OSBPL10: variants seen among roughly 807,000 people sequenced by gnomAD.
The protein encoded by OSBPL10 is oxysterol-binding protein-related protein 10.
A neutral mutation model predicts 81.7 loss-of-function variants in OSBPL10; 49 were observed. That is an observed-to-expected ratio of 0.60 (90% CI 0.48 to 0.76). The LOEUF (loss-of-function observed/expected upper bound fraction) is 0.76. Ranked by LOEUF, OSBPL10 falls within the 30% of genes least tolerant of loss-of-function variation. OSBPL10 has a pLI of 0.00. For missense variants in OSBPL10, 923 were observed against 987.8 expected (o/e 0.93, Z 0.88); for synonymous variants, 419 against 383.6 (o/e 1.09, Z -1.08).
In OSBPL10 at chr3:31,660,998, C is replaced by T. The variant is rs530245840; in HGVS notation, c.*1074G>A. The T allele has an allele frequency of 6.5e-6, 1 of 152,742 alleles. No homozygotes were observed. The highest frequency in any genetic ancestry group is 2.1e-4 in the South Asian group (1 of 4,828). 9.5% of individuals were successfully genotyped at this position (152,742 alleles called of 1,614,324 possible). ...AATAAATTAAGCATTCAGCAAAAACCAGATATTTCATTTTTTCCTTGCTTT... is the reference window on the plus strand; with the variant it reads ...AATAAATTAAGCATTCAGCAAAAACTAGATATTTCATTTTTTCCTTGCTTT... On this transcript the variant is annotated 3_prime_UTR_variant, in exon 12 of 12. Coordinates refer to ENST00000396556, the MANE Select transcript of OSBPL10 (RefSeq NM_017784.5).
At chr3:31,915,846 C>T (rs1215550273) in intron 1 of OSBPL10, among the ~76,000 whole-genome samples, 1 of 152,162 alleles carries the variant, frequency 6.6e-6, no homozygotes, top group Non-Finnish European at 1.5e-5. Context: ...GTAATCCCAG[C>T]ACTTTGGGAG....
intron 4 of OSBPL10, among the ~76,000 whole-genome samples, chr3:31,828,604 C>T (rs1357708255): frequency 6.6e-6 from 1 of 152,220 alleles, no homozygotes; most frequent in Non-Finnish European, 1.5e-5. Context: ...GCTATCTTGG[C>T]TCAATGCAGC....
At chr3:31,967,529 T>C (rs1212039492) in intron 1 of OSBPL10, among the ~76,000 whole-genome samples, 1 of 152,210 alleles carries the variant, frequency 6.6e-6, no homozygotes, top group Non-Finnish European at 1.5e-5. Flanking sequence ...CATTATAATT[T>C]TCCTATGTTG....
intron 3 of OSBPL10, among the ~76,000 whole-genome samples, chr3:31,842,449 C>G (rs1700523173): frequency 6.6e-6 from 1 of 152,146 alleles, no homozygotes; most frequent in Non-Finnish European, 1.5e-5. Flanking sequence ...AGCAAGTTGG[C>G]TCTGTGTTAA....
upstream of OSBPL10, among the ~76,000 whole-genome samples, chr3:31,984,989 A>G (rs1398266231): frequency 1.3e-5 from 2 of 152,252 alleles, no homozygotes; most frequent in Non-Finnish European, 1.5e-5. Flanking sequence ...CTGTAATCCC[A>G]GCACTTTGGG....
chr3:31,667,597 G>A (rs543272734), intron 10 of OSBPL10, among the ~76,000 whole-genome samples: 2 of 152,120 alleles, frequency 1.3e-5, no homozygotes, highest in African/African-American at 2.4e-5. Context: ...ACCCTGCATC[G>A]TATTTCTAAA....
chr3:31,695,140 C>G (rs920496878), intron 7 of OSBPL10, among the ~76,000 whole-genome samples: 1 of 152,202 alleles, frequency 6.6e-6, no homozygotes, highest in Non-Finnish European at 1.5e-5. Flanking sequence ...GAGCACAGCT[C>G]AATCCACTAG....
intron 4 of OSBPL10, among the ~76,000 whole-genome samples, chr3:31,814,878 G>T (rs546308094): frequency 6.6e-6 from 1 of 152,154 alleles, no homozygotes; most frequent in Non-Finnish European, 1.5e-5. Context: ...ATAGATTAAA[G>T]TTGGCCAAGA....
rs184712240 is a variant in OSBPL10, at chr3:31,892,530, A to G, written c.282-12700T>C. On this transcript the variant is annotated intron_variant, in intron 1 of 11. Coordinates refer to ENST00000396556, the MANE Select transcript of OSBPL10 (RefSeq NM_017784.5). ...GGGAGACTAACACATTCTCTCCCCA[A>G]AAAAGTCAACTATAAAACTGGACAA... 1.6e-3 allele frequency among the ~76,000 whole-genome samples: 244 copies of G among 152,326 alleles called. 1 individual carries two copies. Among genetic ancestry groups the G allele is most frequent in the Non-Finnish European group, 2.6e-3 (174 of 68,040 alleles).
At chr3:31,803,021 T>C (rs1575555006) in intron 4 of OSBPL10, among the ~76,000 whole-genome samples, 1 of 148,868 alleles carries the variant, frequency 6.7e-6, no homozygotes, top group African/African-American at 2.5e-5. Context: ...TGAACTAATA[T>C]ACTGTTCTAG....
intron 4 of OSBPL10, among the ~76,000 whole-genome samples, chr3:31,779,860 C>T (rs2125766886): frequency 6.6e-6 from 1 of 152,266 alleles, no homozygotes; most frequent in South Asian, 2.1e-4. Flanking sequence ...TCTCTCAGAC[C>T]ACAGTGGAAT....
intron 8 of OSBPL10, among the ~76,000 whole-genome samples, chr3:31,673,099 C>T (rs971864807): frequency 3.3e-5 from 5 of 152,276 alleles, no homozygotes; most frequent in Non-Finnish European, 7.4e-5. Context: ...TGCTCTCATT[C>T]TGTCATTCAT....
intron 1 of OSBPL10, among the ~76,000 whole-genome samples, chr3:31,887,457 G>A (rs1695766616): frequency 6.6e-6 from 1 of 152,002 alleles, no homozygotes; most frequent in Non-Finnish European, 1.5e-5. Flanking sequence ...TTTCCTCCTT[G>A]GAGCTACCAG....
chr3:31,903,479 C>G (rs751862682), intron 1 of OSBPL10, among the ~76,000 whole-genome samples: 19 of 152,028 alleles, frequency 1.2e-4, no homozygotes, highest in Non-Finnish European at 2.6e-4. Context: ...CAGGCCATAC[C>G]ACACCACCCA....
At chr3:31,943,967 CAAAAAAAAA>C (rs55770286) in intron 1 of OSBPL10, among the ~76,000 whole-genome samples, 4 of 37,778 alleles carry the variant, frequency 1.1e-4, no homozygotes, top group Middle Eastern at 0.025. Flanking sequence ...GACTCCGTCT[CAAAAAAAAA>C]AAAAAAAAAA....
chr3:32,035,287 C>A (rs1448478053), intron 2 of OSBPL10, among the ~76,000 whole-genome samples: 2 of 152,062 alleles, frequency 1.3e-5, no homozygotes, highest in Non-Finnish European at 2.9e-5. Flanking sequence ...TCAGGCTGGG[C>A]ACAGTGGCTC....
intron 1 of OSBPL10, among the ~76,000 whole-genome samples, chr3:31,943,782 A>T (rs1051276213): frequency 2.0e-5 from 3 of 151,998 alleles, no homozygotes; most frequent in African/African-American, 7.3e-5. Context: ...CCTGGCCAAT[A>T]GGGTGAAACC....
At chr3:31,770,312 C>A (rs181608942) in intron 4 of OSBPL10, among the ~76,000 whole-genome samples, 1 of 152,154 alleles carries the variant, frequency 6.6e-6, no homozygotes, top group Non-Finnish European at 1.5e-5. Flanking sequence ...ATATCATTCC[C>A]CATCAACAAT....
At chr3:32,005,231 C>G (rs1243249778) in intron 2 of OSBPL10, among the ~76,000 whole-genome samples, 2 of 151,976 alleles carry the variant, frequency 1.3e-5, no homozygotes, top group African/African-American at 4.8e-5. Flanking sequence ...TCCCCTTGCC[C>G]CCTATCCCCA....
Sources: gnomAD v4.1 joint callset for allele counts (sites outside exome capture counted in the v4.1 genomes callset) on GRCh38, gnomAD v4.1.1 for gene constraint, MANE v1.5 for transcripts, NCBI Gene and HGNC (gene_info 2026-07-23, HGNC 2026-07-21) for gene names.